The following ENTPD5 variants were observed in gnomAD, a reference collection of about 807,000 sequenced individuals.
The protein encoded by ENTPD5 is ectonucleoside triphosphate diphosphohydrolase 5 (inactive).
A neutral mutation model predicts 60.2 loss-of-function variants in ENTPD5; 49 were observed. The ratio of observed to expected loss-of-function variants is 0.81; its 90% confidence interval spans 0.65 to 1.03. ENTPD5 has a LOEUF of 1.03. Among genes scored for constraint, ENTPD5 ranks in the 50% least tolerant of loss-of-function variants. The pLI is 0.00. For missense variants in ENTPD5, 480 were observed against 507.6 expected (o/e 0.95, Z 0.52); for synonymous variants, 187 against 185.4 (o/e 1.01, Z -0.07).
intron 14 of ENTPD5, among the ~76,000 whole-genome samples, chr14:73,971,444 A>G (rs71429029): frequency 6.6e-6 from 1 of 152,202 alleles, no homozygotes; most frequent in Non-Finnish European, 1.5e-5. Flanking sequence ...GGCGTGAGCC[A>G]CCGTGCCCGG....
Position 73,964,724 on chromosome 14 carries a change from G to A in ENTPD5, c.*2204C>T, listed in dbSNP as rs1421621404. ...CTACTTTTGTTGACAAAGATGGGAAGGGGTCTAAAAGTCATGTCACTTATA... is the reference window on the plus strand; with the variant it reads ...CTACTTTTGTTGACAAAGATGGGAAAGGGTCTAAAAGTCATGTCACTTATA... On this transcript the variant is annotated 3_prime_UTR_variant, in exon 16 of 16. Coordinates refer to ENST00000334696, the MANE Select transcript of ENTPD5 (RefSeq NM_001249.5). 2.0e-5 allele frequency: 3 copies of A among 152,196 alleles called. No individual in the cohort carries two copies. Among genetic ancestry groups the A allele is most frequent in the Non-Finnish European group, 2.9e-5 (2 of 68,036 alleles). The allele number at this position is 152,196 out of a possible 1,614,324, so 9.4% of individuals were successfully genotyped here. A position where few individuals can be genotyped will look rare whatever the true frequency, so the allele number is the denominator to read the frequency against.
intron 2 of ENTPD5, among the ~76,000 whole-genome samples, chr14:74,014,692 C>T (rs1299295346): frequency 6.6e-6 from 1 of 151,912 alleles, no homozygotes; most frequent in Non-Finnish European, 1.5e-5. Flanking sequence ...CTTAAAATGC[C>T]CCTGCAGAGA....
Position 73,965,268 on chromosome 14 carries a change from A to G in ENTPD5, c.*1660T>C, listed in dbSNP as rs1400617494. On this transcript the variant is annotated 3_prime_UTR_variant, in exon 16 of 16. Coordinates refer to ENST00000334696, the MANE Select transcript of ENTPD5 (RefSeq NM_001249.5). Reference sequence around the variant, plus strand: ...GCATACTTAACATCCTTTGTGAGAGAGAGGATGGAAACGGAGTCTACTGTG... The same window carrying G: ...GCATACTTAACATCCTTTGTGAGAGGGAGGATGGAAACGGAGTCTACTGTG... The G allele has an allele frequency of 6.6e-6, 1 of 152,108 alleles. No individual in the cohort carries two copies. Among genetic ancestry groups the G allele is most frequent in the Non-Finnish European group, 1.5e-5 (1 of 68,048 alleles). The allele number at this position is 152,108 out of a possible 1,614,324, so 9.4% of individuals were successfully genotyped here.
chr14:73,972,178 A>ACCTGAGGT (rs1471883572), intron 13 of ENTPD5, among the ~76,000 whole-genome samples: 1 of 151,986 alleles, frequency 6.6e-6, no homozygotes, highest in African/African-American at 2.4e-5. Context: ...GGAGTTCAAG[A>ACCTGAGGT]CCAGCCTGAC....
intron 6 of ENTPD5, among the ~76,000 whole-genome samples, chr14:73,979,943 A>T (rs1172314077): frequency 2.4e-5 from 3 of 127,566 alleles, no homozygotes; most frequent in Non-Finnish European, 3.3e-5. Flanking sequence ...TTTTGCCATG[A>T]TTTTTTTTTT....
Position 73,988,100 on chromosome 14 carries a change from CATTCTTTTCCCAAGATGTGGCT to C in ENTPD5, c.-20_2del, listed in dbSNP as rs1566739614. On this transcript the variant is annotated start_lost and 5_prime_UTR_variant, in exon 4 of 16. Transcript: ENST00000334696. ...AAAAGACTGTGCCCCAAGAAGTGGC[CATTCTTTTCCCAAGATGTGGCT>C]GGGTGGAGGCTTTTGTTGCAGAAGC... 4 of 1,608,254 alleles carry C rather than the reference CATTCTTTTCCCAAGATGTGGCT, an allele frequency of 2.5e-6. 1 individual carries two copies. The South Asian group carries it at 4.4e-5, about 18-fold the overall frequency.
intron 3 of ENTPD5, chr14:73,996,378 C>T (rs748725747): frequency 1.4e-4 from 25 of 172,430 alleles, no homozygotes; most frequent in Admixed American, 3.9e-4. Context: ...GCTCATAGGG[C>T]GGAAGCTGCT....
In ENTPD5 at chr14:73,988,123, G is replaced by T. The variant is rs1181470061; in HGVS notation, c.-21C>A. The T allele has an allele frequency of 6.3e-7, 1 of 1,593,488 alleles. No homozygotes were observed. Among genetic ancestry groups the T allele is most frequent in the East Asian group, 2.3e-5 (1 of 44,334 alleles). On this transcript the variant is annotated 5_prime_UTR_variant, in exon 4 of 16. Transcript: ENST00000334696. Reference sequence around the variant, plus strand: ...GCCATTCTTTTCCCAAGATGTGGCTGGGTGGAGGCTTTTGTTGCAGAAGCA... The same window carrying T: ...GCCATTCTTTTCCCAAGATGTGGCTTGGTGGAGGCTTTTGTTGCAGAAGCA...
chr14:73,972,924 G>A lies in ENTPD5; in HGVS notation c.987C>T (p.Phe329=), dbSNP rs978870338. 1 of 1,614,214 alleles carries A rather than the reference G, an allele frequency of 6.2e-7. No individual in the cohort carries two copies. ...EEVQRGSFYA[F]SYYYDRAVDT... is the part of the protein sequence containing the mutation. ...CAACAGCTCGGTCATAATAGTAAGAGAAAGCATAGAAGGAACCTCTCTGGA... is the reference window on the plus strand; with the variant it reads ...CAACAGCTCGGTCATAATAGTAAGAAAAAGCATAGAAGGAACCTCTCTGGA... The change falls in exon 13 of 16, where the codon TTC becomes TTT. Residue 329 remains phenylalanine, a synonymous_variant. Coordinates refer to ENST00000334696, the MANE Select transcript of ENTPD5 (RefSeq NM_001249.5).
downstream of ENTPD5, chr14:73,955,700 C>T (rs745599400): frequency 1.2e-5 from 19 of 1,557,052 alleles, no homozygotes; most frequent in Non-Finnish European, 1.2e-5. Flanking sequence ...GAGAGGCTGA[C>T]AAATTGTGAT....
rs1014845668 is a variant in ENTPD5 at position 73,977,127 on chromosome 14, T to A, written c.518-68A>T. The A allele has an allele frequency of 1.5e-5, 22 of 1,434,590 alleles. No individual in the cohort carries two copies. In the African/African-American group the frequency reaches 2.0e-4, roughly 13 times the overall value. The allele number at this position is 1,434,590 out of a possible 1,614,324, so 88.9% of individuals were successfully genotyped here. A position where few individuals can be genotyped will look rare whatever the true frequency, so the allele number is the denominator to read the frequency against. On this transcript the variant is annotated intron_variant, in intron 7 of 15. Transcript: ENST00000334696. ...TTCTCTTTCCTGGCCCCAACCTTGT[T>A]TTTTTTTTTTCCTCTCTAAATTCCA... is the stretch of plus-strand genomic sequence containing the variant.
Position 73,972,951 on chromosome 14 carries a change from C to T in ENTPD5, c.960G>A (p.Glu320=), listed in dbSNP as rs2057289246. ...AAGCATAGAAGGAACCTCTCTGGAC[C>T]TCCTCTGGCTGGTGAAGTTTTCCTC... ...VVRGKLHQPE[E]VQRGSFYAFS... The change falls in exon 13 of 16, where the codon GAG becomes GAA. Residue 320 remains glutamate, a synonymous_variant. Transcript: ENST00000334696. 6.8e-6 allele frequency: 11 copies of T among 1,614,106 alleles called. No individual in the cohort carries two copies. The highest frequency in any genetic ancestry group is 9.3e-6 in the Non-Finnish European group (11 of 1,180,050).
At chr14:73,962,436 G>A (rs2056787613), downstream of ENTPD5, among the ~76,000 whole-genome samples, 1 of 152,108 alleles carries the variant, frequency 6.6e-6, no homozygotes. Flanking sequence ...GCACATGCCT[G>A]TAGTCCTAGC....
rs967652091 is a variant in ENTPD5 at position 74,004,236 on chromosome 14, T to C, written c.-71+6855A>G. Among the ~76,000 whole-genome samples the C allele has an allele frequency of 2.0e-5, 3 of 152,146 alleles. 1 individual carries two copies. Among genetic ancestry groups the C allele is most frequent in the Non-Finnish European group, 4.4e-5 (3 of 68,034 alleles). On this transcript the variant is annotated intron_variant, in intron 3 of 15. Transcript: ENST00000334696. ...AGGTTGCAGTGCAGTGGCGTGATCT[T>C]GGCTCACTGCAACCTCTGCCTCCTG...
intron 2 of ENTPD5, among the ~76,000 whole-genome samples, chr14:74,015,474 C>T (rs749845004): frequency 1.3e-4 from 20 of 150,914 alleles, no homozygotes; most frequent in Non-Finnish European, 2.4e-4. Context: ...AACTCAGCCT[C>T]CTGAGTAGCT....
At position 73,984,667 on chromosome 14, in the gene ENTPD5, GCTC is replaced by G. The variant is rs1381873506; in HGVS notation, c.298-1509_298-1507del. Among the ~76,000 whole-genome samples, 11 of 151,728 alleles carry G rather than the reference GCTC, an allele frequency of 7.2e-5. No homozygotes were observed. In the South Asian group the frequency reaches 1.5e-3, roughly 20 times the overall value. On this transcript the variant is annotated intron_variant, in intron 5 of 15. Coordinates refer to ENST00000334696, the MANE Select transcript of ENTPD5 (RefSeq NM_001249.5). ...TCTAATAATATAGTTGCTTTCAACA[GCTC>G]CTAATTTTTCTTTTTTAATTATTTA...
downstream of ENTPD5, chr14:73,961,704 G>A (rs2056744032): frequency 1.2e-6 from 2 of 1,613,494 alleles, no homozygotes; most frequent in Non-Finnish European, 1.7e-6. Context: ...CTTATTATTG[G>A]ATTAGGGATT....
chr14:74,018,818 T>C (rs1180982552), intron 1 of ENTPD5: 1 of 152,260 alleles, frequency 6.6e-6, no homozygotes, highest in African/African-American at 2.4e-5. Context: ...GGGAAAGTCC[T>C]CGACTGCCTA....
In ENTPD5 at chr14:73,986,888, GCTGTC is replaced by G; in HGVS notation, c.218_222del (p.Gly73AlafsTer10). The stretch of plus-strand genomic sequence containing the variant: ...AAAACTTCCCCTTCTAGAATTGGAA[GCTGTC>G]CTATTTTGTCCATGGAACAAAACAG... On this transcript the variant is annotated frameshift_variant and splice_region_variant, in exon 5 of 16. Transcript: ENST00000334696. LOFTEE classifies it high-confidence loss of function. 1 of 1,613,800 alleles carries G rather than the reference GCTGTC, an allele frequency of 6.2e-7. No homozygotes were observed. Among genetic ancestry groups the G allele is most frequent in the Non-Finnish European group, 8.5e-7 (1 of 1,179,706 alleles).
Sources: gnomAD v4.1 joint callset for allele counts (sites outside exome capture counted in the v4.1 genomes callset) on GRCh38, gnomAD v4.1.1 for gene constraint, MANE v1.5 for transcripts, NCBI Gene and HGNC (gene_info 2026-07-23, HGNC 2026-07-21) for gene names.